PHLPP2: variants seen among roughly 807,000 people sequenced by gnomAD.
The protein encoded by PHLPP2 is PH domain leucine-rich repeat-containing protein phosphatase 2.
PHLPP2 carries 66 observed loss-of-function variants against 124.9 expected under a neutral mutation model. The observed-to-expected ratio is 0.53, with a 90% CI of 0.43 to 0.65. The LOEUF is 0.65. Ranked by LOEUF, PHLPP2 falls within the 30% of genes least tolerant of loss-of-function variation. PHLPP2 has a pLI of 0.00. For synonymous variants in PHLPP2, 681 were observed against 624.7 expected, an observed-to-expected ratio of 1.09 and a Z score of -1.34; for missense variants, 1,685 against 1,600.4, an observed-to-expected ratio of 1.05 and a Z score of -0.90.
chr16:71,675,114 G>C (rs2044934520), intron 9 of PHLPP2, among the ~76,000 whole-genome samples: 1 of 152,170 alleles, frequency 6.6e-6, no homozygotes, highest in South Asian at 2.1e-4. Context: ...AATATGGTAT[G>C]TGTGTGTCTC....
chr16:71,701,290 ATC>A (rs2045230131), intron 3 of PHLPP2, among the ~76,000 whole-genome samples: 5 of 91,596 alleles, frequency 5.5e-5, no homozygotes, highest in African/African-American at 2.2e-4. Context: ...CTATCTATCT[ATC>A]TATCTATCTA....
At chr16:71,674,152 A>G (rs1013476739) in intron 9 of PHLPP2, among the ~76,000 whole-genome samples, 35 of 149,138 alleles carry the variant, frequency 2.3e-4, no homozygotes, top group Non-Finnish European at 4.7e-4. Flanking sequence ...ACCTTGGCTC[A>G]CTGCAACCTC....
intron 3 of PHLPP2, among the ~76,000 whole-genome samples, chr16:71,696,536 CTGAGGCA>C (rs1398120483): frequency 6.6e-6 from 1 of 151,548 alleles, no homozygotes; most frequent in African/African-American, 2.4e-5. Context: ...ACTTGGGAGG[CTGAGGCA>C]TGAGAATTGC....
At chr16:71,662,858 T>TA (rs992958323) in intron 13 of PHLPP2, among the ~76,000 whole-genome samples, 4 of 123,252 alleles carry the variant, frequency 3.2e-5, no homozygotes, top group African/African-American at 6.1e-5. Context: ...TCCCATCTCT[T>TA]AAAAAAAAAG....
chr16:71,718,176 A>T (rs2045375579), intron 1 of PHLPP2, among the ~76,000 whole-genome samples: 3 of 152,118 alleles, frequency 2.0e-5, no homozygotes, highest in Non-Finnish European at 4.4e-5. Flanking sequence ...TACAAGCATG[A>T]GCCACCACAC....
intron 1 of PHLPP2, 145 bp from the exon 2 acceptor site, chr16:71,714,946 T>A: frequency 1.0e-6 from 1 of 959,242 alleles, no homozygotes; most frequent in South Asian, 1.8e-5. Context: ...TTCACATCTA[T>A]CATGCTCATT....
At chr16:71,724,030 A>G (rs933263579) in intron 1 of PHLPP2, 7 of 184,920 alleles carry the variant, frequency 3.8e-5, no homozygotes, top group Non-Finnish European at 7.1e-5. Context: ...GGACCTAAGC[A>G]GCTGCCGGCG....
rs2045102909 is a variant in PHLPP2, at chr16:71,690,705, T to A, written c.423A>T (p.Lys141Asn). 6.2e-7 allele frequency: 1 copy of A among 1,606,204 alleles called. No homozygotes were observed. The highest frequency in any genetic ancestry group is 8.5e-7 in the Non-Finnish European group (1 of 1,175,636). Residue 141 changes from lysine to asparagine, a missense_variant, in exon 4 of 19, where the codon AAA becomes AAT. Transcript: ENST00000568954. ...LGCMIRFYGEKPCHMDRLDRI... is the reference protein window; with the variant it reads ...LGCMIRFYGENPCHMDRLDRI... ...GATCCAAACGATCCATGTGGCATGG[T>A]TTTTCTGAAAAGGAAATAATACTTC...
At chr16:71,699,814 C>T (rs1364114980) in intron 3 of PHLPP2, among the ~76,000 whole-genome samples, 1 of 152,214 alleles carries the variant, frequency 6.6e-6, no homozygotes. Flanking sequence ...CAGACACCCC[C>T]ACCTGGACGC....
At chr16:71,718,057 A>G (rs1173360964) in intron 1 of PHLPP2, among the ~76,000 whole-genome samples, 1 of 151,936 alleles carries the variant, frequency 6.6e-6, no homozygotes, top group African/African-American at 2.4e-5. Flanking sequence ...ACACCCAGCT[A>G]ATTTTTTGTA....
intron 5 of PHLPP2, 54 bp from the exon 6 acceptor site, chr16:71,681,959 C>T (rs2145341030): frequency 7.5e-7 from 1 of 1,325,290 alleles, no homozygotes; most frequent in South Asian, 1.8e-5. Context: ...TGTCTATCAC[C>T]CAGCAAAGAA....
chr16:71,714,111 T>C (rs937326959), intron 2 of PHLPP2, among the ~76,000 whole-genome samples: 5 of 151,980 alleles, frequency 3.3e-5, no homozygotes, highest in Non-Finnish European at 7.4e-5. Context: ...GGCTAATTTT[T>C]ATATTTTTAG....
chr16:71,679,856 G>C (rs933784903), intron 6 of PHLPP2, among the ~76,000 whole-genome samples: 72 of 152,198 alleles, frequency 4.7e-4, no homozygotes, highest in Non-Finnish European at 2.6e-4. Flanking sequence ...GCCGAGGCAG[G>C]TGGATCACGA....
chr16:71,694,345 C>T (rs1443507674), intron 3 of PHLPP2, among the ~76,000 whole-genome samples: 1 of 152,024 alleles, frequency 6.6e-6, no homozygotes, highest in Non-Finnish European at 1.5e-5. Flanking sequence ...CCTGTAATCC[C>T]AGCTACTCAG....
chr16:71,698,521 G>A, intron 3 of PHLPP2: 2 of 715,694 alleles, frequency 2.8e-6, no homozygotes, highest in Admixed American at 1.8e-5. Flanking sequence ...TTGGAGCCTA[G>A]ACTGGGGATA....
intron 17 of PHLPP2, among the ~76,000 whole-genome samples, chr16:71,654,495 T>C (rs2044725715): frequency 6.6e-6 from 1 of 152,232 alleles, no homozygotes; most frequent in Non-Finnish European, 1.5e-5. Flanking sequence ...TACGATGTTC[T>C]CTCATGATGC....
intron 3 of PHLPP2, among the ~76,000 whole-genome samples, chr16:71,694,399 T>A (rs2045147389): frequency 6.6e-6 from 1 of 151,938 alleles, no homozygotes; most frequent in Admixed American, 6.6e-5. Context: ...AGGCCGAGCT[T>A]GCAGTGAGCC....
chr16:71,653,753 T>C (rs970048015), intron 17 of PHLPP2, among the ~76,000 whole-genome samples: 1 of 152,204 alleles, frequency 6.6e-6, no homozygotes, highest in East Asian at 1.9e-4. Context: ...GGAGTTCCCT[T>C]TCCTAAACCC....
At chr16:71,714,463 T>G in intron 2 of PHLPP2, 49 bp downstream of exon 2, 1 of 1,515,962 alleles carries the variant, frequency 6.6e-7, no homozygotes, top group Non-Finnish European at 8.8e-7. Context: ...CAGAAACACA[T>G]TATTATTTAT....
Sources: gnomAD v4.1 joint callset for allele counts (sites outside exome capture counted in the v4.1 genomes callset) on GRCh38, gnomAD v4.1.1 for gene constraint, MANE v1.5 for transcripts, NCBI Gene and HGNC (gene_info 2026-07-23, HGNC 2026-07-21) for gene names.